IDH3A: variants seen among roughly 807,000 people sequenced by gnomAD.
IDH3A encodes the protein isocitrate dehydrogenase (NAD(+)) 3 catalytic subunit alpha, also known as isocitrate dehydrogenase [NAD] subunit alpha, mitochondrial.
A neutral mutation model predicts 43.3 loss-of-function variants in IDH3A; 23 were observed. The observed-to-expected ratio is 0.53, with a 90% CI of 0.38 to 0.75. The LOEUF is 0.75. Among genes scored for constraint, IDH3A ranks in the 30% least tolerant of loss-of-function variants. The pLI, the probability that IDH3A is intolerant of heterozygous loss-of-function variation, is 0.00. For synonymous variants in IDH3A, 154 were observed against 163.5 expected (o/e 0.94, Z 0.44); for missense variants, 329 against 474.4 (o/e 0.69, Z 2.85).
At chr15:78,159,746 T>A (rs2074661752) in intron 3 of IDH3A, among the ~76,000 whole-genome samples, 1 of 152,132 alleles carries the variant, frequency 6.6e-6, no homozygotes, top group Non-Finnish European at 1.5e-5. Flanking sequence ...ATCCCAGCAC[T>A]TTGGGAGGCC....
At chr15:78,162,388 G>A (rs370373157) in intron 6 of IDH3A, 21 bp downstream of exon 6, 463 of 1,610,776 alleles carry the variant, frequency 2.9e-4, no homozygotes, top group Non-Finnish European at 3.6e-4. Context: ...TGCGGGGGCC[G>A]GCACCCCATC....
chr15:78,153,120 C>CT (rs36117315), intron 1 of IDH3A, among the ~76,000 whole-genome samples: 295 of 151,296 alleles, frequency 1.9e-3, no homozygotes, highest in African/African-American at 6.6e-3. Context: ...TTCTTTTTTT[C>CT]TTTTTTTTGT....
At chr15:78,158,478 T>A (rs2074648228) in intron 3 of IDH3A, among the ~76,000 whole-genome samples, 3 of 115,096 alleles carry the variant, frequency 2.6e-5, no homozygotes, top group Non-Finnish European at 5.6e-5. Context: ...TTTTTTTTTT[T>A]TTTTTTTTTT....
chr15:78,160,663 A>G (rs780272467), intron 4 of IDH3A, among the ~76,000 whole-genome samples: 1 of 151,876 alleles, frequency 6.6e-6, no homozygotes, highest in Non-Finnish European at 1.5e-5. Context: ...CTAATTTTTT[A>G]AAAAGTTTTT....
rs374152783 is a variant in IDH3A at position 78,161,669 on chromosome 15, A to G, written c.378A>G (p.Pro126=). The change falls in exon 5 of 11, where the codon CCA becomes CCG. Residue 126 remains proline, a synonymous_variant. Transcript: ENST00000299518. The surrounding 1 kb of genome is among the most constrained non-coding windows in gnomAD (Gnocchi z 4.8). ...KTFDLYANVR[P]CVSIEGYKTP... is the part of the protein sequence containing the mutation. ...TTGACCTTTACGCGAATGTCCGACC[A>G]TGTGTCTCTATCGAAGGCTATAAAA... The G allele has an allele frequency of 5.0e-6, 8 of 1,614,158 alleles. No homozygotes were observed. The East Asian group carries it at 1.3e-4, about 27-fold the overall frequency.
intron 9 of IDH3A, 57 bp downstream of exon 9, chr15:78,165,133 A>G: frequency 9.8e-7 from 1 of 1,024,172 alleles, no homozygotes; most frequent in Non-Finnish European, 1.5e-6. Context: ...TGAACTCAGG[A>G]GGAGTTATCT....
At position 78,171,576 on chromosome 15, in the gene IDH3A, C is replaced by T. The variant is rs1312093022; in HGVS notation, c.*2571C>T. The T allele has an allele frequency of 1.3e-6, 2 of 1,501,288 alleles. No homozygotes were observed. Among genetic ancestry groups the T allele is most frequent in the Non-Finnish European group, 1.9e-6 (2 of 1,077,908 alleles). 93.0% of individuals were successfully genotyped at this position (1,501,288 alleles called of 1,614,324 possible). ...ATGAGTGAGGCCCAGGCTCTGAGAA[C>T]TCTGAGAATGTGTGTGGTAAAGACT... On this transcript the variant is annotated 3_prime_UTR_variant, in exon 11 of 11. Coordinates refer to ENST00000299518, the MANE Select transcript of IDH3A (RefSeq NM_005530.3).
intron 1 of IDH3A, among the ~76,000 whole-genome samples, chr15:78,150,451 C>G (rs917003199): frequency 6.6e-6 from 1 of 152,188 alleles, no homozygotes; most frequent in South Asian, 2.1e-4. Context: ...TACTACTTTT[C>G]TCCCATTTTT....
chr15:78,163,448 T>G, intron 6 of IDH3A, 59 bp from the exon 7 acceptor site: 2 of 1,224,766 alleles, frequency 1.6e-6, no homozygotes, highest in African/African-American at 1.5e-5. Flanking sequence ...CTTCTTTGAT[T>G]TGATTCTTTT....
intron 1 of IDH3A, chr15:78,151,393 T>C (rs549777335): frequency 6.6e-6 from 1 of 152,234 alleles, no homozygotes; most frequent in Non-Finnish European, 1.5e-5. Context: ...CTGGCCAACA[T>C]GGCGAAACCC....
In IDH3A at chr15:78,170,476, G is replaced by A. The variant is rs1181408496; in HGVS notation, c.*1471G>A. ...CTTTGTTTAAGCTGCTGCTTCCTCTGTTTCATTGGATTGTGCCAGTTATCA... is the reference window on the plus strand; with the variant it reads ...CTTTGTTTAAGCTGCTGCTTCCTCTATTTCATTGGATTGTGCCAGTTATCA... On this transcript the variant is annotated 3_prime_UTR_variant, in exon 11 of 11. Transcript: ENST00000299518. 6.6e-6 allele frequency: 1 copy of A among 151,874 alleles called. No homozygotes were observed. The highest frequency in any genetic ancestry group is 2.4e-5 in the African/African-American group (1 of 41,300). 9.4% of individuals were successfully genotyped at this position (151,874 alleles called of 1,614,324 possible).
intron 6 of IDH3A, among the ~76,000 whole-genome samples, chr15:78,163,076 T>C (rs1301572714): frequency 6.6e-6 from 1 of 152,218 alleles, no homozygotes; most frequent in Non-Finnish European, 1.5e-5. Context: ...GATGTGTTAC[T>C]CCAGCAACTT....
At chr15:78,155,030 T>C (rs1483913905) in intron 1 of IDH3A, among the ~76,000 whole-genome samples, 183 bp from the exon 2 acceptor site, 1 of 152,220 alleles carries the variant, frequency 6.6e-6, no homozygotes, top group Non-Finnish European at 1.5e-5. Context: ...TCTGAGTATT[T>C]AGGCTTTCAA....
At chr15:78,158,780 G>GT (rs1220270522) in intron 3 of IDH3A, among the ~76,000 whole-genome samples, 1 of 150,930 alleles carries the variant, frequency 6.6e-6, no homozygotes, top group African/African-American at 2.4e-5. Flanking sequence ...ATGTAATATT[G>GT]TTTTTTAAAA....
At chr15:78,166,025 C>A in intron 9 of IDH3A, 125 bp from the exon 10 acceptor site, 2 of 869,304 alleles carry the variant, frequency 2.3e-6, no homozygotes, top group Non-Finnish European at 3.7e-6. Flanking sequence ...AGATGAATTG[C>A]ACGCAGTAGC....
intron 8 of IDH3A, among the ~76,000 whole-genome samples, chr15:78,164,399 C>T (rs575722900): frequency 2.4e-4 from 36 of 148,290 alleles, no homozygotes; most frequent in African/African-American, 8.7e-4. Context: ...GTCGCCTAGG[C>T]TGGAGTGCAG....
rs2074676765 is a variant in IDH3A, at chr15:78,161,015, G to A, written c.290-566G>A. On this transcript the variant is annotated intron_variant, in intron 4 of 10. Coordinates refer to ENST00000299518, the MANE Select transcript of IDH3A (RefSeq NM_005530.3). The surrounding 1 kb of genome is among the most constrained non-coding windows in gnomAD (Gnocchi z 4.8). Reference sequence around the variant, plus strand: ...TCCTGCCTCAGCCTCCTAAGTAGCTGGGATTACAGGCACACACCACAACGC... The same window carrying A: ...TCCTGCCTCAGCCTCCTAAGTAGCTAGGATTACAGGCACACACCACAACGC... 6.6e-6 allele frequency among the ~76,000 whole-genome samples: 1 copy of A among 152,152 alleles called. No homozygotes were observed. Among genetic ancestry groups the A allele is most frequent in the East Asian group, 1.9e-4 (1 of 5,186 alleles).
chr15:78,164,286 C>T (rs1034442723), intron 8 of IDH3A, among the ~76,000 whole-genome samples: 3 of 149,160 alleles, frequency 2.0e-5, no homozygotes, highest in Non-Finnish European at 4.4e-5. Flanking sequence ...TTTGTCTGTG[C>T]TTCTCTCTCT....
At position 78,162,236 on chromosome 15, in the gene IDH3A, T is replaced by C; in HGVS notation, c.480T>C (p.Ile160=). 1 of 1,614,140 alleles carries C rather than the reference T, an allele frequency of 6.2e-7. No individual in the cohort carries two copies. The highest frequency in any genetic ancestry group is 8.5e-7 in the Non-Finnish European group (1 of 1,180,014). Residue 160 remains isoleucine, a splice_region_variant and synonymous_variant, in exon 6 of 11, where the codon ATT becomes ATC. Transcript: ENST00000299518. ...AGGTGGGACTTCCTGTCTTGCAGAT[T>C]GTTGATGGAGTCGTGCAGAGTATCA... ...EGEYSGIEHV[I]VDGVVQSIKL... is the part of the protein sequence containing the mutation.
Sources: gnomAD v4.1 joint callset for allele counts (sites outside exome capture counted in the v4.1 genomes callset) on GRCh38, gnomAD v4.1.1 for gene constraint, Gnocchi (gnomAD v3.1) non-coding constraint, MANE v1.5 for transcripts, NCBI Gene and HGNC (gene_info 2026-07-23, HGNC 2026-07-21) for gene names.